The following ERCC5 variants were observed in gnomAD, a reference collection of about 807,000 sequenced individuals.
The protein encoded by ERCC5 is ERCC excision repair 5, endonuclease.
A neutral mutation model predicts 105.6 loss-of-function variants in ERCC5; 68 were observed. The ratio of observed to expected loss-of-function variants is 0.64; its 90% CI spans 0.53 to 0.79. The LOEUF (loss-of-function observed/expected upper bound fraction) is 0.79. Among genes scored for constraint, ERCC5 ranks in the 30% least tolerant of loss-of-function variants. ERCC5 has a pLI of 0.00. For synonymous variants in ERCC5, 546 were observed against 526.2 expected (o/e 1.04, Z -0.51); for missense variants, 1,373 against 1,426.7 (o/e 0.96, Z 0.61).
At chr13:102,855,470 C>T (rs1178792175) in intron 4 of ERCC5, among the ~76,000 whole-genome samples, 1 of 152,118 alleles carries the variant, frequency 6.6e-6, no homozygotes, top group Non-Finnish European at 1.5e-5. Flanking sequence ...AGGCTGGTCT[C>T]GAACTCCTGA....
Position 102,872,275 on chromosome 13 carries a change from G to A in ERCC5, c.2756G>A (p.Arg919Gln), listed in dbSNP as rs867329357. 1.4e-5 allele frequency: 23 copies of A among 1,613,902 alleles called. No homozygotes were observed. The highest frequency in any genetic ancestry group is 1.2e-4 in the African/African-American group (9 of 74,846). The change falls in exon 13 of 15, where the codon CGG becomes CAG. Residue 919 changes from arginine (R) to glutamine (Q), a missense_variant. Transcript: ENST00000652225. ...PHDTKVKKKL[R>Q]TLQLTPGFPN... ...GACACCAAAGTGAAAAAAAAATTACGGACATTGCAACTCACCCCTGGCTTT... is the reference window on the plus strand; with the variant it reads ...GACACCAAAGTGAAAAAAAAATTACAGACATTGCAACTCACCCCTGGCTTT...
chr13:102,860,834 A>G (rs1882590646), intron 6 of ERCC5, among the ~76,000 whole-genome samples: 1 of 152,156 alleles, frequency 6.6e-6, no homozygotes, highest in Non-Finnish European at 1.5e-5. Flanking sequence ...TGTGTCTTTT[A>G]TGGGATAAGG....
At chr13:102,861,423 C>T (rs1244421561) in intron 6 of ERCC5, 84 bp from the exon 7 acceptor site, 6 of 1,456,620 alleles carry the variant, frequency 4.1e-6, no homozygotes, top group African/African-American at 2.8e-5. Flanking sequence ...TTCTTTGTTC[C>T]CTGTTGGGGA....
Position 102,854,308 on chromosome 13 carries a change from T to C in ERCC5, c.401T>C (p.Leu134Pro), listed in dbSNP as rs1377599064. 6.2e-7 allele frequency: 1 copy of C among 1,614,194 alleles called. No individual in the cohort carries two copies. Among genetic ancestry groups the C allele is most frequent in the South Asian group, 1.1e-5 (1 of 91,084 alleles). The change falls in exon 4 of 15, where the codon CTT becomes CCT. Residue 134 changes from leucine to proline, a missense_variant. Coordinates refer to ENST00000652225, the MANE Select transcript of ERCC5 (RefSeq NM_000123.4). The stretch of plus-strand genomic sequence containing the variant: ...TCCAGAGATGAAGCACTACCCAGTC[T>C]TACCCAAGTTCGAAGAGAAAACGAC... ...RSKRDEALPS[L>P]TQVRRENDLY...
At chr13:102,846,630 C>T (rs192311383) in intron 1 of ERCC5, among the ~76,000 whole-genome samples, 1 of 152,274 alleles carries the variant, frequency 6.6e-6, no homozygotes, top group East Asian at 1.9e-4. Context: ...TACCCACTTC[C>T]GTAATCTTTT....
chr13:102,872,404 C>G lies in ERCC5; in HGVS notation c.2879+6C>G, dbSNP rs766024745. On this transcript the variant is annotated splice_donor_region_variant and intron_variant, in intron 13 of 14. Transcript: ENST00000652225. ...GATCTCGACAAAATTAGAGAATATC[C>G]TTTGCTTCTTAAAAGAGAAGGAAAC... 1 of 1,614,106 alleles carries G rather than the reference C, an allele frequency of 6.2e-7. No individual in the cohort carries two copies. The highest frequency in any genetic ancestry group is 8.5e-7 in the Non-Finnish European group (1 of 1,180,006).
At chr13:102,850,075 G>A (rs190310831) in intron 1 of ERCC5, among the ~76,000 whole-genome samples, 241 of 151,832 alleles carry the variant, frequency 1.6e-3, no homozygotes, top group African/African-American at 2.1e-3. Flanking sequence ...ATAGGCACAC[G>A]CCACCATGCC....
chr13:102,846,308 G>A lies in ERCC5; in HGVS notation c.42G>A (p.Gly14=), dbSNP rs1317774770. The A allele has an allele frequency of 6.2e-7, 1 of 1,614,074 alleles. No individual in the cohort carries two copies. Among genetic ancestry groups the A allele is most frequent in the South Asian group, 1.1e-5 (1 of 91,068 alleles). Reference sequence around the variant, plus strand: ...TCTGGAAGCTGCTGGAGTGCTCCGGGCGGCAGGTCAGCCCCGAAGCGCTGG... The same window carrying A: ...TCTGGAAGCTGCTGGAGTGCTCCGGACGGCAGGTCAGCCCCGAAGCGCTGG... The part of the protein sequence containing the change: ...QGLWKLLECS[G]RQVSPEALEG... Residue 14 remains glycine, a synonymous_variant, in exon 1 of 15, where the codon GGG becomes GGA. Transcript: ENST00000652225.
chr13:102,853,376 G>A (rs987901580), intron 2 of ERCC5, among the ~76,000 whole-genome samples: 13 of 152,174 alleles, frequency 8.5e-5, no homozygotes, highest in Admixed American at 6.5e-4. Flanking sequence ...TGTAAGTAAT[G>A]CATGTTTATA....
rs2140526291 is a variant in ERCC5, at chr13:102,861,620, C to A, written c.786C>A (p.Ile262=). ...KEMNQQHSGH[I]RRQYEDEGGF... ...TGAATCAGCAACATTCAGGACACAT[C>A]CGAAGGCAGTATGAAGATGAAGGGG... The change falls in exon 7 of 15, where the codon ATC becomes ATA. Residue 262 remains isoleucine (I), a synonymous_variant. Transcript: ENST00000652225. 1.2e-6 allele frequency: 2 copies of A among 1,614,108 alleles called. No individual in the cohort carries two copies. The highest frequency in any genetic ancestry group is 1.7e-6 in the Non-Finnish European group (2 of 1,180,020).
chr13:102,867,729 A>G (rs1882887417), intron 11 of ERCC5, among the ~76,000 whole-genome samples: 1 of 152,188 alleles, frequency 6.6e-6, no homozygotes, highest in African/African-American at 2.4e-5. Flanking sequence ...TGCCTTCAGT[A>G]AGACAAGGAG....
chr13:102,866,450 G>C, intron 10 of ERCC5, 69 bp downstream of exon 10: 1 of 1,613,176 alleles, frequency 6.2e-7, no homozygotes, highest in Admixed American at 1.7e-5. Context: ...ACTGCATGAA[G>C]GGGGTATGCA....
intron 1 of ERCC5, among the ~76,000 whole-genome samples, chr13:102,850,468 T>G (rs2140515680): frequency 6.6e-6 from 1 of 152,250 alleles, no homozygotes; most frequent in East Asian, 1.9e-4. Context: ...CAAGGCTTCC[T>G]AGACCAGGAG....
In ERCC5 at chr13:102,873,274, T is replaced by G; in HGVS notation, c.2895T>G (p.Tyr965Ter). 1 of 1,614,166 alleles carries G rather than the reference T, an allele frequency of 6.2e-7. No homozygotes were observed. The highest frequency in any genetic ancestry group is 8.5e-7 in the Non-Finnish European group (1 of 1,180,014). ...CTGCATGCATATTTTGTCAGCGGTA[T>G]TTCGGCTGGAACAGAACGAAGACAG... ...LDKIREFCQR[Y>*]FGWNRTKTDE... Residue 965 changes from tyrosine (Y) to a stop codon, truncating the protein, a stop_gained, in exon 14 of 15, where the codon TAT becomes TAG. Coordinates refer to ENST00000652225, the MANE Select transcript of ERCC5 (RefSeq NM_000123.4). LOFTEE classifies it high-confidence loss of function.
chr13:102,861,194 G>A (rs1470341157), intron 6 of ERCC5, among the ~76,000 whole-genome samples: 1 of 151,944 alleles, frequency 6.6e-6, no homozygotes, highest in South Asian at 2.1e-4. Context: ...TCACCACGTT[G>A]GCCAGGCTGG....
rs4150335 is a variant in ERCC5 at position 102,866,465 on chromosome 13, G to C, written c.2319+84G>C. 2.1e-3 allele frequency: 3,318 copies of C among 1,611,156 alleles called. 57 individuals carry two copies. The African/African-American group carries it at 0.039, about 19-fold the overall frequency. ...ACTGCATGAAGGGGGTATGCACTGT[G>C]CCCCCTGGTGCTCAGGGCCTGGTGA... On this transcript the variant is annotated intron_variant, in intron 10 of 14. Coordinates refer to ENST00000652225, the MANE Select transcript of ERCC5 (RefSeq NM_000123.4).
rs1883193224 is a variant in ERCC5 at position 102,875,630 on chromosome 13, A to G, written c.3288A>G (p.Ser1096=). 5.6e-6 allele frequency: 9 copies of G among 1,614,100 alleles called. No individual in the cohort carries two copies. The highest frequency in any genetic ancestry group is 7.6e-6 in the Non-Finnish European group (9 of 1,179,952). The stretch of plus-strand genomic sequence containing the variant: ...TGGGGGAGACCTGCCTCTCAGAATC[A>G]TCTGATGGATCTTCAAGTGAAGATG... ...GFLGETCLSE[S]SDGSSSEDAE... The change falls in exon 15 of 15, where the codon TCA becomes TCG. Residue 1096 remains serine, a synonymous_variant. Coordinates refer to ENST00000652225, the MANE Select transcript of ERCC5 (RefSeq NM_000123.4).
chr13:102,849,218 CGTG>C (rs1258552477), intron 1 of ERCC5: 2 of 518,774 alleles, frequency 3.9e-6, no homozygotes, highest in Non-Finnish European at 7.7e-6. Context: ...GATCTCTTCT[CGTG>C]GTCTCCACCA....
In ERCC5 at chr13:102,853,839, G is replaced by C; in HGVS notation, c.347G>C (p.Arg116Thr). The change falls in exon 3 of 15, where the codon AGA (arginine) becomes ACA (threonine). Residue 116 changes from arginine (R) to threonine (T), a missense_variant. Transcript: ENST00000652225. ...TEKLLKTFLK[R>T]QAIKTAFRSK... ...AAGCTTCTGAAAACATTTTTGAAAA[G>C]ACAAGCCATCAAAACTGCCTTCAGA... is the stretch of plus-strand genomic sequence containing the variant. The C allele has an allele frequency of 1.2e-6, 2 of 1,614,172 alleles. No homozygotes were observed. The highest frequency in any genetic ancestry group is 1.7e-6 in the Non-Finnish European group (2 of 1,180,026).
Sources: allele counts gnomAD v4.1 joint callset (sites outside exome capture counted in the v4.1 genomes callset), GRCh38; gene constraint gnomAD v4.1.1; transcripts MANE v1.5; gene names NCBI Gene and HGNC (gene_info 2026-07-23, HGNC 2026-07-21).